Variants in CSMD1 observed in about 807,000 individuals in gnomAD.
CSMD1 encodes the protein CUB and Sushi multiple domains 1, also known as CUB and sushi domain-containing protein 1.
In CSMD1, 213 loss-of-function variants were observed where a neutral mutation model predicts 417.5. The observed-to-expected ratio is 0.51, with a 90% confidence interval of 0.46 to 0.57. The LOEUF (loss-of-function observed/expected upper bound fraction) is 0.57. Among genes scored for constraint, CSMD1 ranks in the 20% least tolerant of loss-of-function variants. The pLI is 0.00. For synonymous variants in CSMD1, 2,862 were observed against 1,736.8 expected (o/e 1.65, Z -16.11); for missense variants, 6,923 against 4,529.7 (o/e 1.53, Z -15.17).
At chr8:4,142,686 T>G (rs1803862685) in intron 3 of CSMD1, among the ~76,000 whole-genome samples, 1 of 151,138 alleles carries the variant, frequency 6.6e-6, no homozygotes, top group Non-Finnish European at 1.5e-5. Context: ...TTGCAGTTAT[T>G]GGGTGGCTGA....
chr8:3,617,687 T>G lies in CSMD1; in HGVS notation c.1010-890A>C, dbSNP rs765672109. ...ATCCAAGGATGGAGACAACAGCATG[T>G]ATGCAACAGAAAAGATGTGTCAAGA... On this transcript the variant is annotated intron_variant, in intron 7 of 69. Transcript: ENST00000635120. Among the ~76,000 whole-genome samples, 21 of 152,196 alleles carry G rather than the reference T, an allele frequency of 1.4e-4. 1 individual carries two copies. Among genetic ancestry groups the G allele is most frequent in the Non-Finnish European group, 3.1e-4 (21 of 68,034 alleles).
chr8:4,364,886 A>G (rs182269145), intron 3 of CSMD1, among the ~76,000 whole-genome samples: 4 of 150,268 alleles, frequency 2.7e-5, no homozygotes, highest in Admixed American at 2.0e-4. Flanking sequence ...AATCAATATA[A>G]TACACTGCCT....
chr8:4,636,215 T>G (rs540589701), intron 2 of CSMD1, among the ~76,000 whole-genome samples: 2 of 152,152 alleles, frequency 1.3e-5, no homozygotes, highest in Non-Finnish European at 2.9e-5. Flanking sequence ...TAGGAAAATC[T>G]GATTTCTTTG....
chr8:3,309,618 A>G (rs546209838), intron 23 of CSMD1, among the ~76,000 whole-genome samples: 15 of 147,476 alleles, frequency 1.0e-4, no homozygotes, highest in Admixed American at 2.9e-4. Flanking sequence ...AATTTTGACA[A>G]TTGTAAAAGG....
chr8:4,285,266 T>C (rs1042836433), intron 3 of CSMD1, among the ~76,000 whole-genome samples: 2 of 152,216 alleles, frequency 1.3e-5, no homozygotes, highest in East Asian at 1.9e-4. Flanking sequence ...TAGCCTTAAA[T>C]GCCATTTCGT....
At chr8:3,152,995 G>C (rs569602654) in intron 39 of CSMD1, among the ~76,000 whole-genome samples, 3 of 152,328 alleles carry the variant, frequency 2.0e-5, no homozygotes, top group East Asian at 3.9e-4. Flanking sequence ...ATAGGAGCTG[G>C]ATAAAACAAG....
At chr8:4,952,191 T>C (rs1234575698) in intron 1 of CSMD1, among the ~76,000 whole-genome samples, 5 of 152,002 alleles carry the variant, frequency 3.3e-5, no homozygotes, top group Non-Finnish European at 5.9e-5. Flanking sequence ...GGAAAAGTAA[T>C]GTAATCAAAA....
chr8:3,915,226 C>G (rs949708634), intron 5 of CSMD1, among the ~76,000 whole-genome samples: 1 of 151,902 alleles, frequency 6.6e-6, no homozygotes, highest in Middle Eastern at 3.4e-3. Flanking sequence ...GCCAACATCA[C>G]GAAACTCTGC....
intron 8 of CSMD1, among the ~76,000 whole-genome samples, chr8:3,616,297 G>C (rs565685502): frequency 6.6e-6 from 1 of 152,060 alleles, no homozygotes; most frequent in Non-Finnish European, 1.5e-5. Context: ...GTTCTCATGA[G>C]ATCTGATGGT....
chr8:3,800,789 T>C (rs992836402), intron 5 of CSMD1, among the ~76,000 whole-genome samples: 6 of 152,118 alleles, frequency 3.9e-5, no homozygotes, highest in African/African-American at 1.2e-4. Flanking sequence ...CATGTTTGGC[T>C]GTATTTTGTA....
Position 3,810,807 on chromosome 8 carries a change from C to G in CSMD1, c.819-56765G>C, listed in dbSNP as rs552493646. 5.9e-5 allele frequency among the ~76,000 whole-genome samples: 9 copies of G among 152,244 alleles called. No homozygotes were observed. In the East Asian group the frequency reaches 1.7e-3, roughly 29 times the overall value. Reference sequence around the variant, plus strand: ...GGGTCCGGCACATCATCAGGCTGACCTCACTCTTTGTAACACAAAATTCAA... The same window carrying G: ...GGGTCCGGCACATCATCAGGCTGACGTCACTCTTTGTAACACAAAATTCAA... On this transcript the variant is annotated intron_variant, in intron 5 of 69. Coordinates refer to ENST00000635120, the MANE Select transcript of CSMD1 (RefSeq NM_033225.6).
At chr8:4,227,705 A>T (rs1585057511) in intron 3 of CSMD1, among the ~76,000 whole-genome samples, 1 of 151,928 alleles carries the variant, frequency 6.6e-6, no homozygotes, top group Non-Finnish European at 1.5e-5. Context: ...CCACACCTGG[A>T]GACACACCCT....
intron 3 of CSMD1, among the ~76,000 whole-genome samples, chr8:4,415,066 G>A (rs1274693658): frequency 6.6e-6 from 1 of 152,130 alleles, no homozygotes; most frequent in Non-Finnish European, 1.5e-5. Flanking sequence ...AAGTAATTCA[G>A]CTTTTTTTGC....
At chr8:3,371,351 C>T (rs902103468) in intron 18 of CSMD1, among the ~76,000 whole-genome samples, 5 of 152,188 alleles carry the variant, frequency 3.3e-5, no homozygotes, top group African/African-American at 9.6e-5. Flanking sequence ...GGGCAAAAAT[C>T]ACAGCTCATT....
At chr8:4,695,441 G>A (rs561026913) in intron 1 of CSMD1, among the ~76,000 whole-genome samples, 1 of 152,284 alleles carries the variant, frequency 6.6e-6, no homozygotes, top group Admixed American at 6.5e-5. Flanking sequence ...AGTGACATTT[G>A]TTAAGATGTT....
At chr8:3,420,185 A>G (rs886530907) in intron 12 of CSMD1, among the ~76,000 whole-genome samples, 1 of 152,174 alleles carries the variant, frequency 6.6e-6, no homozygotes, top group African/African-American at 2.4e-5. Context: ...AAAGTCCTTA[A>G]AAGATACAAC....
chr8:3,792,941 G>C (rs1181403214), intron 5 of CSMD1, among the ~76,000 whole-genome samples: 2 of 152,126 alleles, frequency 1.3e-5, no homozygotes, highest in Non-Finnish European at 2.9e-5. Flanking sequence ...GGTATTTTCA[G>C]ATGCACAACT....
intron 3 of CSMD1, among the ~76,000 whole-genome samples, chr8:4,409,949 G>C (rs1415996750): frequency 6.6e-6 from 1 of 151,282 alleles, no homozygotes; most frequent in Non-Finnish European, 1.5e-5. Flanking sequence ...AAGTAGCTGG[G>C]ATTACAGGCA....
intron 2 of CSMD1, among the ~76,000 whole-genome samples, chr8:4,483,974 G>A (rs187435577): frequency 2.7e-4 from 41 of 152,152 alleles, no homozygotes; most frequent in African/African-American, 7.9e-4. Context: ...CTGCGTTTTC[G>A]GAGAGAGCAC....
Sources: allele counts gnomAD v4.1 joint callset (sites outside exome capture counted in the v4.1 genomes callset), GRCh38; gene constraint gnomAD v4.1.1; transcripts MANE v1.5; gene names NCBI Gene and HGNC (gene_info 2026-07-23, HGNC 2026-07-21).